The following SKAP1 variants were observed in gnomAD, a reference collection of about 807,000 sequenced individuals.
The protein encoded by SKAP1 is src kinase-associated phosphoprotein 1.
In SKAP1, 44 loss-of-function variants were observed where a neutral mutation model predicts 58.5. The ratio of observed to expected loss-of-function variants is 0.75; its 90% CI spans 0.59 to 0.97. SKAP1 has a LOEUF of 0.97. Among genes scored for constraint, SKAP1 ranks in the 50% least tolerant of loss-of-function variants. The pLI is 0.00. For synonymous variants in SKAP1, 127 were observed against 149.7 expected, an observed-to-expected ratio of 0.85 and a Z score of 1.11; for missense variants, 390 against 435.2, an observed-to-expected ratio of 0.90 and a Z score of 0.92.
At chr17:48,238,537 C>T (rs1349623933) in intron 4 of SKAP1, among the ~76,000 whole-genome samples, 1 of 151,844 alleles carries the variant, frequency 6.6e-6, no homozygotes, top group Non-Finnish European at 1.5e-5. Context: ...GTAGCTGGGA[C>T]CACAGGCGTG....
chr17:48,430,191 C>T lies in SKAP1; in HGVS notation c.-71G>A, dbSNP rs910742943. 5 of 1,201,298 alleles carry T rather than the reference C, an allele frequency of 4.2e-6. No individual in the cohort carries two copies. The highest frequency in any genetic ancestry group is 1.6e-5 in the African/African-American group (1 of 63,102). The allele number at this position is 1,201,298 out of a possible 1,614,324, so 74.4% of individuals were successfully genotyped here. A position where few individuals can be genotyped will look rare whatever the true frequency, so the allele number is the denominator to read the frequency against. ...GGAGGCGGACGGGCTGGAAGGCGACCCGGCTGCACCGCGAGGCACCTGTAC... is the reference window on the plus strand; with the variant it reads ...GGAGGCGGACGGGCTGGAAGGCGACTCGGCTGCACCGCGAGGCACCTGTAC... On this transcript the variant is annotated 5_prime_UTR_variant, in exon 1 of 13. Transcript: ENST00000336915.
chr17:48,190,728 G>A (rs1009808786), intron 4 of SKAP1, among the ~76,000 whole-genome samples: 2 of 152,166 alleles, frequency 1.3e-5, no homozygotes, highest in Admixed American at 1.3e-4. Context: ...GCTCATGCCT[G>A]TAATCCCAGC....
chr17:48,207,311 A>G (rs982264601), intron 4 of SKAP1, among the ~76,000 whole-genome samples: 2 of 151,914 alleles, frequency 1.3e-5, no homozygotes, highest in Admixed American at 6.6e-5. Flanking sequence ...AACATGCAGA[A>G]ACCATCTCTA....
chr17:48,394,213 ACT>A (rs1416175046), intron 2 of SKAP1, among the ~76,000 whole-genome samples: 7 of 152,136 alleles, frequency 4.6e-5, no homozygotes, highest in Non-Finnish European at 8.8e-5. Flanking sequence ...ACAGAGTGAG[ACT>A]CTGTCTAAAA....
chr17:48,143,913 G>A (rs1403025593), intron 11 of SKAP1, among the ~76,000 whole-genome samples: 1 of 152,178 alleles, frequency 6.6e-6, no homozygotes, highest in African/African-American at 2.4e-5. Flanking sequence ...GAAGCCTTGG[G>A]AAGGTGCTCT....
At chr17:48,355,352 C>G (rs746459562) in intron 3 of SKAP1, among the ~76,000 whole-genome samples, 1 of 152,104 alleles carries the variant, frequency 6.6e-6, no homozygotes, top group African/African-American at 2.4e-5. Flanking sequence ...ATTGCAGCTC[C>G]CTGCAGCCTT....
chr17:48,175,075 G>A (rs1228937490), intron 9 of SKAP1, among the ~76,000 whole-genome samples: 1 of 152,152 alleles, frequency 6.6e-6, no homozygotes, highest in Admixed American at 6.5e-5. Context: ...GAGGCTGAGA[G>A]GAATAGGACA....
chr17:48,413,948 A>T lies in SKAP1; in HGVS notation c.46+16127T>A, dbSNP rs148880922. Among the ~76,000 whole-genome samples, 75 of 152,310 alleles carry T rather than the reference A, an allele frequency of 4.9e-4. 1 individual carries two copies. Among genetic ancestry groups the T allele is most frequent in the Admixed American group, 1.3e-3 (20 of 15,294 alleles). On this transcript the variant is annotated intron_variant, in intron 1 of 12. Coordinates refer to ENST00000336915, the MANE Select transcript of SKAP1 (RefSeq NM_003726.4). ...TTAACTAGGGAGTGAACAATACCGC[A>T]TGGTGTAAATGTCCTCAGACCAAAG...
intron 4 of SKAP1, among the ~76,000 whole-genome samples, chr17:48,321,451 C>A (rs549864994): frequency 1.8e-4 from 27 of 151,162 alleles, no homozygotes; most frequent in African/African-American, 6.6e-4. Flanking sequence ...AATCTTGGCT[C>A]ACTGCAAGCT....
intron 10 of SKAP1, among the ~76,000 whole-genome samples, chr17:48,169,407 C>T (rs142989120): frequency 2.6e-5 from 4 of 152,054 alleles, no homozygotes; most frequent in East Asian, 1.9e-4. Context: ...GGAACATGGG[C>T]GGGTCAGAAC....
At chr17:48,223,915 T>A (rs2065033138) in intron 4 of SKAP1, among the ~76,000 whole-genome samples, 1 of 151,770 alleles carries the variant, frequency 6.6e-6, no homozygotes, top group African/African-American at 2.4e-5. Context: ...TAAAAAAGTA[T>A]ATAGGTACCA....
At chr17:48,270,149 C>T (rs1452554943) in intron 4 of SKAP1, among the ~76,000 whole-genome samples, 1 of 151,896 alleles carries the variant, frequency 6.6e-6, no homozygotes, top group East Asian at 1.9e-4. Context: ...TTTCTGCGTC[C>T]TAAAATATGA....
At chr17:48,358,078 C>T (rs932319048) in intron 3 of SKAP1, among the ~76,000 whole-genome samples, 13 of 152,184 alleles carry the variant, frequency 8.5e-5, no homozygotes, top group Middle Eastern at 3.4e-3. Flanking sequence ...AGGTTCAAAA[C>T]CAGTGCTTGT....
intron 4 of SKAP1, among the ~76,000 whole-genome samples, chr17:48,338,432 A>G (rs9747388): frequency 0.092 from 14,020 of 152,188 alleles, 985 homozygotes; most frequent in African/African-American, 0.17. Flanking sequence ...GATTACAGGC[A>G]TGAGTCACCG....
intron 4 of SKAP1, among the ~76,000 whole-genome samples, chr17:48,280,801 A>G (rs901006459): frequency 2.0e-5 from 3 of 152,170 alleles, no homozygotes; most frequent in African/African-American, 7.2e-5. Context: ...TTCTTTAATT[A>G]GCATAAAACC....
chr17:48,418,738 A>G (rs183298283), intron 1 of SKAP1, among the ~76,000 whole-genome samples: 1 of 152,386 alleles, frequency 6.6e-6, no homozygotes, highest in East Asian at 1.9e-4. Context: ...ATTGTGGAAT[A>G]TTCACACAAT....
intron 4 of SKAP1, among the ~76,000 whole-genome samples, chr17:48,318,484 C>T (rs551601846): frequency 1.1e-4 from 17 of 152,248 alleles, no homozygotes; most frequent in African/African-American, 2.9e-4. Context: ...CTGTCATCAC[C>T]GTCACAATTA....
intron 4 of SKAP1, among the ~76,000 whole-genome samples, chr17:48,205,680 A>T (rs2064801319): frequency 1.3e-5 from 2 of 152,210 alleles, no homozygotes; most frequent in South Asian, 4.1e-4. Context: ...GAAACAAGTC[A>T]TACAAAGCAT....
chr17:48,145,380 A>G (rs1351208618), intron 11 of SKAP1, among the ~76,000 whole-genome samples: 2 of 151,364 alleles, frequency 1.3e-5, no homozygotes, highest in African/African-American at 4.9e-5. Context: ...CAGATTTCAC[A>G]CTGCCATAAA....
Sources: allele counts gnomAD v4.1 joint callset (sites outside exome capture counted in the v4.1 genomes callset), GRCh38; gene constraint gnomAD v4.1.1; transcripts MANE v1.5; gene names NCBI Gene and HGNC (gene_info 2026-07-23, HGNC 2026-07-21).